LRCH4: variants seen among roughly 807,000 people sequenced by gnomAD.
The protein encoded by LRCH4 is leucine rich repeats and calponin homology domain containing 4, also known as leucine-rich repeat and calponin homology domain-containing protein 4.
LRCH4 carries 56 observed loss-of-function variants against 81.2 expected under a neutral mutation model. The observed-to-expected ratio is 0.69, with a 90% CI of 0.56 to 0.86. The LOEUF (loss-of-function observed/expected upper bound fraction) is 0.86, where lower values mean the gene tolerates loss of function less well. Ranked by LOEUF, LRCH4 falls within the 40% of genes least tolerant of loss-of-function variation. The probability of loss-of-function intolerance (pLI) is 0.00; values close to 1 mark genes in which losing one functional copy is unlikely to be tolerated. For synonymous variants in LRCH4, 442 were observed against 409.7 expected (o/e 1.08, Z -0.95); for missense variants, 895 against 922.8 (o/e 0.97, Z 0.39).
intron 14 of LRCH4, 39 bp downstream of exon 14, chr7:100,576,655 C>T: frequency 6.5e-7 from 1 of 1,533,052 alleles, no homozygotes; most frequent in Non-Finnish European, 8.9e-7. Context: ...TTGGTGCTGG[C>T]AAGCACTGGG....
rs759179156 is a variant in LRCH4, at chr7:100,577,133, C to A, written c.1317G>T (p.Arg439Ser). The A allele has an allele frequency of 8.1e-6, 13 of 1,614,118 alleles. No homozygotes were observed. Among genetic ancestry groups the A allele is most frequent in the Non-Finnish European group, 1.0e-5 (12 of 1,180,004 alleles). Reference protein sequence around the residue: ...RKDSLLKPGLRAVVGGAAAVS... With the variant: ...RKDSLLKPGLSAVVGGAAAVS... The stretch of plus-strand genomic sequence containing the variant: ...CGGCGGCGGCCCCTCCCACAACAGC[C>A]CTGAGCCCTGGCTTCAAGAGGCTGG... The change falls in exon 12 of 18, where the codon AGG becomes AGT. Residue 439 changes from arginine to serine, a missense_variant. Around this residue, in one of 3 missense-constraint regions of LRCH4, gnomAD observed 529 missense variants for 504.9 expected, o/e 1.05. Transcript: ENST00000310300. The surrounding 1 kb of genome is among the most constrained non-coding windows in gnomAD (Gnocchi z 6.7).
At position 100,578,532 on chromosome 7, in the gene LRCH4, G is replaced by A. The variant is rs747732521; in HGVS notation, c.736-21C>T. On this transcript the variant is annotated intron_variant, in intron 5 of 17. Transcript: ENST00000310300. This position sits in a 1 kb window ranked among gnomAD's most constrained non-coding sequence, Gnocchi z 5.7. ...CAGACCTGTGTGCGGGGCAGCACAC[G>A]CCAGGGAGTTGGCAGGGAGGGCAGC... The A allele has an allele frequency of 7.5e-6, 12 of 1,605,238 alleles. No homozygotes were observed. Among genetic ancestry groups the A allele is most frequent in the Admixed American group, 1.7e-5 (1 of 59,558 alleles).
At chr7:100,585,811 C>A (rs1171065131) in intron 1 of LRCH4, 70 bp downstream of exon 1, 22 of 1,428,468 alleles carry the variant, frequency 1.5e-5, no homozygotes, top group Non-Finnish European at 2.0e-5. Context: ...GACTCCCGGG[C>A]CGGGCGGGGC....
In LRCH4 at chr7:100,578,370, G is replaced by A. The variant is rs1276071114; in HGVS notation, c.848+29C>T. On this transcript the variant is annotated intron_variant, in intron 6 of 17. Transcript: ENST00000310300. This position sits in a 1 kb window ranked among gnomAD's most constrained non-coding sequence, Gnocchi z 5.7. ...CGGGAAGGGGCATTCAGTATCCCAG[G>A]GCTTCCTTCCTCCCCACCTAGGACT... 10 of 1,608,288 alleles carry A rather than the reference G, an allele frequency of 6.2e-6. No homozygotes were observed. The highest frequency in any genetic ancestry group is 2.2e-5 in the East Asian group (1 of 44,860).
At chr7:100,585,794 CGGGCCCGACTCCCGGGCCGGGCG>C (rs1406313063) in intron 1 of LRCH4, 64 bp downstream of exon 1, 1 of 1,371,860 alleles carries the variant, frequency 7.3e-7, no homozygotes, top group Non-Finnish European at 9.6e-7. Flanking sequence ...GGTGAAGGGG[CGGGCCCGACTCCCGGGCCGGGCG>C]GGGCCCGGGG....
Position 100,575,422 on chromosome 7 carries a change from A to G in LRCH4, c.1855-118T>C. ...GGGCCAGAACCACGCCCACATGCTGACGTGCTGGGCAGGGGGAGTGCAGTG... is the reference window on the plus strand; with the variant it reads ...GGGCCAGAACCACGCCCACATGCTGGCGTGCTGGGCAGGGGGAGTGCAGTG... On this transcript the variant is annotated intron_variant, in intron 17 of 17. Transcript: ENST00000310300. The surrounding 1 kb of genome is among the most constrained non-coding windows in gnomAD (Gnocchi z 5.3). 1 of 1,000,086 alleles carries G rather than the reference A, an allele frequency of 1.0e-6. No individual in the cohort carries two copies. 62.0% of individuals were successfully genotyped at this position (1,000,086 alleles called of 1,614,324 possible). A position where few individuals can be genotyped will look rare whatever the true frequency, so the allele number is the denominator to read the frequency against.
chr7:100,580,772 A>G (rs1801522429), intron 4 of LRCH4: 1 of 150,968 alleles, frequency 6.6e-6, no homozygotes, highest in Admixed American at 6.6e-5. Flanking sequence ...AGACATAAAC[A>G]CAACACACGA....
In LRCH4 at chr7:100,586,119, GCTGCCTGA is replaced by G; in HGVS notation, c.-27_-20del. On this transcript the variant is annotated 5_prime_UTR_variant, in exon 1 of 18. Transcript: ENST00000310300. The stretch of plus-strand genomic sequence containing the variant: ...CCGCCATCCGCTCCCGGCGGCTCCC[GCTGCCTGA>G]CTGACGGGACCGGCCGTCCCTCCTT... The G allele has an allele frequency of 6.6e-7, 1 of 1,504,486 alleles. No homozygotes were observed. The highest frequency in any genetic ancestry group is 8.9e-7 in the Non-Finnish European group (1 of 1,122,828). The allele number at this position is 1,504,486 out of a possible 1,614,324, so 93.2% of individuals were successfully genotyped here. A position where few individuals can be genotyped will look rare whatever the true frequency, so the allele number is the denominator to read the frequency against.
In LRCH4 at chr7:100,583,566, C is replaced by G. The variant is rs553295893; in HGVS notation, c.221-1107G>C. On this transcript the variant is annotated intron_variant, in intron 1 of 17. Transcript: ENST00000310300. This position sits in a 1 kb window ranked among gnomAD's most constrained non-coding sequence, Gnocchi z 4.3. The stretch of plus-strand genomic sequence containing the variant: ...AGCAGAGGAGAGAAGCCGGGTATAT[C>G]CCCCAAGGAAATGAGTCTTGTGACA... 7.9e-5 allele frequency among the ~76,000 whole-genome samples: 12 copies of G among 152,256 alleles called. No individual in the cohort carries two copies. In the South Asian group the frequency reaches 1.7e-3, roughly 21 times the overall value.
In LRCH4 at chr7:100,578,475, A is replaced by C; in HGVS notation, c.772T>G (p.Leu258Val). 6.2e-7 allele frequency: 1 copy of C among 1,614,128 alleles called. No homozygotes were observed. The highest frequency in any genetic ancestry group is 8.5e-7 in the Non-Finnish European group (1 of 1,180,014). ...CCACGCTGCCCGGCCTCTGTGGACA[A>C]ATACTTGAAGATGTGAAGTTTCCCC... is the stretch of plus-strand genomic sequence containing the variant. ...LKGKLHIFKY[L>V]STEAGQRGSA... Residue 258 changes from leucine to valine, a missense_variant, in exon 6 of 18, where the codon TTG becomes GTG. Physicochemically the swap from Leu to Val is conservative, Grantham distance 32 (BLOSUM62 1). Transcript: ENST00000310300. This position sits in a 1 kb window ranked among gnomAD's most constrained non-coding sequence, Gnocchi z 5.7.
Position 100,575,178 on chromosome 7 carries a change from C to T in LRCH4, c.1981G>A (p.Gly661Ser), listed in dbSNP as rs1277359324. The T allele has an allele frequency of 1.2e-5, 19 of 1,613,234 alleles. No homozygotes were observed. Among genetic ancestry groups the T allele is most frequent in the South Asian group, 4.4e-5 (4 of 90,964 alleles). ...PPLWPPSGLGGFVVFYVVLML... is the reference protein window; with the variant it reads ...PPLWPPSGLGSFVVFYVVLML... ...AGGACCACGTAGAAGACGACGAAGC[C>T]GCCCAGACCAGAGGGGGGCCAGAGG... is the stretch of plus-strand genomic sequence containing the variant. Residue 661 changes from glycine (G) to serine (S), a missense_variant, in exon 18 of 18, where the codon GGC (glycine) becomes AGC (serine). Coordinates refer to ENST00000310300, the MANE Select transcript of LRCH4 (RefSeq NM_002319.5). The surrounding 1 kb of genome is among the most constrained non-coding windows in gnomAD (Gnocchi z 5.3).
chr7:100,581,534 G>T, intron 4 of LRCH4: 1 of 448,070 alleles, frequency 2.2e-6, no homozygotes, highest in Non-Finnish European at 4.0e-6. Flanking sequence ...GCCCCAGAGG[G>T]CTGTCTCTGC....
At chr7:100,585,350 G>C (rs1200353241) in intron 1 of LRCH4, 1 of 158,556 alleles carries the variant, frequency 6.3e-6, no homozygotes, top group Non-Finnish European at 1.4e-5. Flanking sequence ...GGAGAGCTGC[G>C]TGGACAGTGG....
intron 1 of LRCH4, chr7:100,584,322 A>G: frequency 2.3e-6 from 1 of 434,392 alleles, no homozygotes; most frequent in Non-Finnish European, 4.7e-6. Flanking sequence ...CCCTGTGTAG[A>G]GAGTGGGGCA....
intron 4 of LRCH4, 37 bp downstream of exon 4, chr7:100,581,740 T>C: frequency 1.3e-6 from 2 of 1,599,072 alleles, no homozygotes; most frequent in African/African-American, 1.3e-5. Context: ...GGGACGCACA[T>C]ACAAACACCT....
Position 100,577,427 on chromosome 7 carries a change from G to A in LRCH4, c.1179-38C>T, listed in dbSNP as rs144609208. On this transcript the variant is annotated intron_variant, in intron 10 of 17. Transcript: ENST00000310300. This position sits in a 1 kb window ranked among gnomAD's most constrained non-coding sequence, Gnocchi z 6.7. ...GACAGGGCAAGAGGGGCAGACCCCG[G>A]GGTCAGGGAAGGAGGCGGTTGGGGG... 4.6e-4 allele frequency: 731 copies of A among 1,600,894 alleles called. 1 individual carries two copies. The African/African-American group carries it at 8.9e-3, about 19-fold the overall frequency.
In LRCH4 at chr7:100,575,235, C is replaced by T. The variant is rs3197597; in HGVS notation, c.1924G>A (p.Val642Met). 0.13 allele frequency: 213,955 copies of T among 1,600,398 alleles called. 15,649 individuals are homozygous for T. The highest frequency in any genetic ancestry group is 0.15 in the Non-Finnish European group (175,252 of 1,173,162). The change falls in exon 18 of 18, where the codon GTG becomes ATG. Residue 642 changes from valine to methionine, a missense_variant. Val to Met is a conservative substitution (Grantham distance 21). Around this residue, in one of 3 missense-constraint regions of LRCH4, gnomAD observed 529 missense variants for 504.9 expected, o/e 1.05. Transcript: ENST00000310300. This position sits in a 1 kb window ranked among gnomAD's most constrained non-coding sequence, Gnocchi z 5.3. The stretch of plus-strand genomic sequence containing the variant: ...AGGGCCTTGCCCCCCACCCGCTTCA[C>T]GGCCTCCAGCGCGGTCCGCAGCCCC... ...ARGLRTALEA[V>M]KRVGGKALPP...
intron 15 of LRCH4, 27 bp downstream of exon 15, chr7:100,576,211 G>A: frequency 6.2e-7 from 1 of 1,608,798 alleles, no homozygotes. Context: ...CCAGGCCCCT[G>A]CCCACGCAGC....
In LRCH4 at chr7:100,585,903, G is replaced by A. The variant is rs766933163; in HGVS notation, c.198C>T (p.Asp66=). Residue 66 remains aspartate, a synonymous_variant, in exon 1 of 18, where the codon GAC becomes GAT. Transcript: ENST00000310300. ...CACCAGCCTGGGTGATGTCTGACAGGTCGTAGCTACGGGCCGCGCCCCGGG... is the reference window on the plus strand; with the variant it reads ...CACCAGCCTGGGTGATGTCTGACAGATCGTAGCTACGGGCCGCGCCCCGGG... ...HFPRGAARSY[D]LSDITQADLS... 1 of 1,610,748 alleles carries A rather than the reference G, an allele frequency of 6.2e-7. No individual in the cohort carries two copies. The highest frequency in any genetic ancestry group is 1.7e-5 in the Admixed American group (1 of 59,848).
Sources: allele counts gnomAD v4.1 joint callset (sites outside exome capture counted in the v4.1 genomes callset), GRCh38; gene constraint gnomAD v4.1.1; regional missense constraint gnomAD v4.1.1; non-coding constraint Gnocchi (gnomAD v3.1); transcripts MANE v1.5; gene names NCBI Gene and HGNC (gene_info 2026-07-23, HGNC 2026-07-21).